The following KIF18A variants were observed in gnomAD, a reference collection of about 807,000 sequenced individuals.
KIF18A encodes kinesin-like protein KIF18A.
In KIF18A, 67 loss-of-function variants were observed where a neutral mutation model predicts 103.3. The ratio of observed to expected loss-of-function variants is 0.65; its 90% confidence interval spans 0.53 to 0.79. The LOEUF (loss-of-function observed/expected upper bound fraction) is 0.79. Ranked by LOEUF, KIF18A falls within the 30% of genes least tolerant of loss-of-function variation. The pLI is 0.00. For missense variants in KIF18A, 1,032 were observed against 1,062.5 expected (o/e 0.97, Z 0.40); for synonymous variants, 367 against 355.5 (o/e 1.03, Z -0.36).
chr11:28,072,314 T>C (rs1330378308), intron 10 of KIF18A, among the ~76,000 whole-genome samples: 1 of 152,186 alleles, frequency 6.6e-6, no homozygotes, highest in African/African-American at 2.4e-5. Flanking sequence ...TATTTTTACA[T>C]TAAAAACAAT....
rs766969487 is a variant in KIF18A at position 28,036,470 on chromosome 11, GA to G, written c.2142del (p.Gln715LysfsTer6). 1.9e-6 allele frequency: 3 copies of G among 1,611,188 alleles called. No individual in the cohort carries two copies. The African/African-American group carries it at 4.0e-5, about 22-fold the overall frequency. Reference sequence around the variant, plus strand: ...ATTAAGGTTACTGTAGACGGATTTTGAAAAGCTTTTCTACAGTCTTCTGGTG... The same window carrying G: ...ATTAAGGTTACTGTAGACGGATTTTGAAAGCTTTTCTACAGTCTTCTGGTG... The part of the protein sequence containing the change: ...VYTPEDCRKA[F>X]QNPSTVTLMK... On this transcript the variant is annotated frameshift_variant, in exon 14 of 17. Coordinates refer to ENST00000263181, the MANE Select transcript of KIF18A (RefSeq NM_031217.4). LOFTEE classifies it high-confidence loss of function.
chr11:28,021,048 A>C lies in KIF18A; in HGVS notation c.*152T>G, dbSNP rs1850232593. 1.7e-6 allele frequency: 1 copy of C among 592,134 alleles called. No homozygotes were observed. Among genetic ancestry groups the C allele is most frequent in the African/African-American group, 1.9e-5 (1 of 51,766 alleles). 36.7% of individuals were successfully genotyped at this position (592,134 alleles called of 1,614,324 possible). A position where few individuals can be genotyped will look rare whatever the true frequency, so the allele number is the denominator to read the frequency against. The stretch of plus-strand genomic sequence containing the variant: ...TAGAACACAAAAGAAGAAAACAAAG[A>C]GTTTCATTTTTCTGCTTGCTGAAAG... On this transcript the variant is annotated 3_prime_UTR_variant, in exon 17 of 17. Transcript: ENST00000263181.
intron 9 of KIF18A, among the ~76,000 whole-genome samples, chr11:28,077,757 A>G (rs1851113663): frequency 6.6e-6 from 1 of 152,192 alleles, no homozygotes; most frequent in African/African-American, 2.4e-5. Flanking sequence ...CTGGCTAAGA[A>G]TCAACTGACA....
chr11:28,104,319 C>A (rs1418303725), intron 1 of KIF18A, among the ~76,000 whole-genome samples: 1 of 152,118 alleles, frequency 6.6e-6, no homozygotes, highest in Non-Finnish European at 1.5e-5. Context: ...CCACATATGG[C>A]CCTGCCTACC....
At chr11:28,089,332 A>G (rs963596381) in intron 5 of KIF18A, among the ~76,000 whole-genome samples, 20 of 152,350 alleles carry the variant, frequency 1.3e-4, no homozygotes, top group Admixed American at 1.2e-3. Context: ...AGAGAAAATG[A>G]TAAAATCCAC....
At chr11:28,038,571 G>A (rs1162739450) in intron 13 of KIF18A, among the ~76,000 whole-genome samples, 1 of 151,620 alleles carries the variant, frequency 6.6e-6, no homozygotes, top group Non-Finnish European at 1.5e-5. Context: ...TAAGATAAGT[G>A]TTATGCATTT....
chr11:28,026,211 A>G (rs1850317890), intron 15 of KIF18A, among the ~76,000 whole-genome samples: 1 of 151,842 alleles, frequency 6.6e-6, no homozygotes, highest in African/African-American at 2.4e-5. Flanking sequence ...TCTGTTGGGT[A>G]GGTTTTGGAA....
At chr11:28,062,901 C>G (rs1272063836) in intron 11 of KIF18A, among the ~76,000 whole-genome samples, 1 of 152,118 alleles carries the variant, frequency 6.6e-6, no homozygotes, top group Non-Finnish European at 1.5e-5. Context: ...TCAATATTGT[C>G]ATAGCATTTA....
intron 1 of KIF18A, among the ~76,000 whole-genome samples, chr11:28,104,532 T>C (rs575555526): frequency 6.6e-6 from 1 of 152,336 alleles, no homozygotes; most frequent in South Asian, 2.1e-4. Context: ...AATGCCACTT[T>C]ACAGAGGCTT....
Position 28,086,876 on chromosome 11 carries a change from CTG to C in KIF18A, c.897+1646_897+1647del, listed in dbSNP as rs1851235346. 2.0e-5 allele frequency among the ~76,000 whole-genome samples: 3 copies of C among 152,044 alleles called. No homozygotes were observed. The South Asian group carries it at 6.2e-4, about 32-fold the overall frequency. ...TGGCTTAAGTTTACAAAATCCGTCT[CTG>C]TGTCATGCTGTCTGCTTACAAGTTT... On this transcript the variant is annotated intron_variant, in intron 6 of 16. Coordinates refer to ENST00000263181, the MANE Select transcript of KIF18A (RefSeq NM_031217.4).
chr11:28,065,677 C>T (rs1313202327), intron 11 of KIF18A, among the ~76,000 whole-genome samples: 1 of 151,866 alleles, frequency 6.6e-6, no homozygotes, highest in African/African-American at 2.4e-5. Flanking sequence ...AAATTGGAAG[C>T]TTACGGTAAT....
chr11:28,069,042 C>G (rs1850974576), intron 11 of KIF18A, among the ~76,000 whole-genome samples: 1 of 152,122 alleles, frequency 6.6e-6, no homozygotes, highest in Non-Finnish European at 1.5e-5. Flanking sequence ...AATGAATCCT[C>G]AAGTGCAGGT....
At chr11:28,081,922 T>C (rs1054074359) in intron 9 of KIF18A, among the ~76,000 whole-genome samples, 5 of 152,090 alleles carry the variant, frequency 3.3e-5, no homozygotes, top group African/African-American at 1.2e-4. Context: ...TTGGAGGAAG[T>C]AGATTCCAAT....
chr11:28,050,069 C>T (rs1850693001), intron 13 of KIF18A, among the ~76,000 whole-genome samples: 1 of 151,634 alleles, frequency 6.6e-6, no homozygotes, highest in South Asian at 2.1e-4. Context: ...TATTATAGTC[C>T]TTTAAATTAA....
intron 13 of KIF18A, among the ~76,000 whole-genome samples, chr11:28,043,293 T>C (rs991234734): frequency 9.2e-5 from 14 of 152,058 alleles, no homozygotes; most frequent in African/African-American, 3.4e-4. Flanking sequence ...AGACTACCTG[T>C]GGCTCTGGTT....
chr11:28,086,305 T>C (rs1397507381), intron 6 of KIF18A, among the ~76,000 whole-genome samples: 2 of 152,166 alleles, frequency 1.3e-5, no homozygotes, highest in African/African-American at 4.8e-5. Context: ...CTAATATCGA[T>C]ATGAAATAAA....
chr11:28,088,484 A>G (rs910726268), intron 6 of KIF18A, 40 bp downstream of exon 6: 7 of 1,497,082 alleles, frequency 4.7e-6, no homozygotes, highest in East Asian at 2.4e-5. Context: ...ATCTATTTCA[A>G]TATTTCAAAC....
chr11:28,031,009 A>G (rs1208540766), intron 15 of KIF18A, among the ~76,000 whole-genome samples: 57 of 150,654 alleles, frequency 3.8e-4, no homozygotes, highest in African/African-American at 1.2e-3. Flanking sequence ...TTAGAATGGC[A>G]ATCATTAAAA....
chr11:28,053,049 C>T (rs994165087), intron 13 of KIF18A, among the ~76,000 whole-genome samples: 10 of 151,752 alleles, frequency 6.6e-5, no homozygotes, highest in Non-Finnish European at 8.8e-5. Flanking sequence ...ACCACAATTA[C>T]TTCTGCACTA....
Sources: gnomAD v4.1 joint callset for allele counts (sites outside exome capture counted in the v4.1 genomes callset) on GRCh38, gnomAD v4.1.1 for gene constraint, MANE v1.5 for transcripts, NCBI Gene and HGNC (gene_info 2026-07-23, HGNC 2026-07-21) for gene names.